SOAT2: variants seen among roughly 807,000 people sequenced by gnomAD.
SOAT2 encodes the protein ACAT-2.
A neutral mutation model predicts 76.0 loss-of-function variants in SOAT2; 87 were observed. That is an observed-to-expected ratio of 1.14 (90% CI 0.96 to 1.37). The LOEUF is 1.37. SOAT2 is among the 40% of genes most tolerant of loss of function. The pLI, the probability that SOAT2 is intolerant of heterozygous loss-of-function variation, is 0.00. For synonymous variants in SOAT2, 285 were observed against 275.4 expected (o/e 1.03, Z -0.34); for missense variants, 686 against 682.1 (o/e 1.01, Z -0.06).
intron 5 of SOAT2, among the ~76,000 whole-genome samples, chr12:53,106,714 A>G (rs1202600687): frequency 6.6e-6 from 1 of 152,246 alleles, no homozygotes; most frequent in Non-Finnish European, 1.5e-5. Context: ...TAAAAATTAC[A>G]ATTTCCAGAG....
At chr12:53,103,764 G>A in intron 1 of SOAT2, 105 bp downstream of exon 1, 2 of 992,168 alleles carry the variant, frequency 2.0e-6, no homozygotes, top group Non-Finnish European at 2.9e-6. Flanking sequence ...AATCCTTCCT[G>A]CTGTCCAGAG....
Position 53,120,796 on chromosome 12 carries a change from G to A in SOAT2, c.1050G>A (p.Met350Ile), listed in dbSNP as rs750810729. The A allele has an allele frequency of 1.9e-6, 3 of 1,613,870 alleles. No homozygotes were observed. Among genetic ancestry groups the A allele is most frequent in the Non-Finnish European group, 2.5e-6 (3 of 1,179,802 alleles). Residue 350 changes from methionine to isoleucine, a missense_variant, in exon 11 of 15, where the codon ATG (methionine) becomes ATA (isoleucine). Coordinates refer to ENST00000301466, the MANE Select transcript of SOAT2 (RefSeq NM_003578.4). Reference protein sequence around the residue: ...ILHATLPGIFMLLLIFFAFLH... With the variant: ...ILHATLPGIFILLLIFFAFLH... ...GTCCCCAACCACCAGGCATCTTCAT[G>A]CTGCTGCTCATCTTCTTTGCCTTCC...
intron 2 of SOAT2, among the ~76,000 whole-genome samples, chr12:53,104,891 AC>A (rs3830631): frequency 0.077 from 11,660 of 151,010 alleles, 521 homozygotes; most frequent in East Asian, 0.15. Context: ...GCGGGGTCCT[AC>A]CCCACCAGCA....
intron 5 of SOAT2, among the ~76,000 whole-genome samples, chr12:53,106,945 C>T (rs78102864): frequency 1.5e-4 from 23 of 152,096 alleles, no homozygotes; most frequent in African/African-American, 5.5e-4. Flanking sequence ...TCTTCAGACC[C>T]CCAGCAAAAC....
chr12:53,105,658 A>G lies in SOAT2; in HGVS notation c.335+38A>G, dbSNP rs191468391. 705 of 1,575,212 alleles carry G rather than the reference A, an allele frequency of 4.5e-4. 3 individuals are homozygous for G. The African/African-American group carries it at 7.7e-3, about 17-fold the overall frequency. On this transcript the variant is annotated intron_variant, in intron 4 of 14. Transcript: ENST00000301466. ...GATGACAAGTAATGGGAGGAAAAGA[A>G]AGGGCTTTGGCTAGGGGTCAAGGTA...
intron 5 of SOAT2, among the ~76,000 whole-genome samples, chr12:53,108,275 C>A (rs761367407): frequency 9.9e-5 from 15 of 152,182 alleles, no homozygotes; most frequent in Non-Finnish European, 2.2e-4. Flanking sequence ...TGGACAGGGA[C>A]TGTGTACACA....
intron 13 of SOAT2, 130 bp downstream of exon 13, chr12:53,123,346 G>T: frequency 1.7e-6 from 2 of 1,196,496 alleles, no homozygotes; most frequent in Middle Eastern, 2.0e-4. Context: ...GAGACTGAGA[G>T]GTGGAGTCAA....
intron 5 of SOAT2, 23 bp from the exon 6 acceptor site, chr12:53,115,367 T>G: frequency 1.9e-6 from 3 of 1,567,894 alleles, no homozygotes; most frequent in Admixed American, 3.6e-5. Flanking sequence ...TTGTCTACTT[T>G]GTCTCTCCTT....
In SOAT2 at chr12:53,118,234, C is replaced by T; in HGVS notation, c.779-116C>T. 3 of 492,108 alleles carry T rather than the reference C, an allele frequency of 6.1e-6. No individual in the cohort carries two copies. In the South Asian group the frequency reaches 6.9e-5, roughly 11 times the overall value. 30.5% of individuals were successfully genotyped at this position (492,108 alleles called of 1,614,324 possible). ...TACGTCCAGCTCCTTGCTTATCCCC[C>T]ACCCCCACCCTATCCATTTCTCCAC... On this transcript the variant is annotated intron_variant, in intron 7 of 14. Coordinates refer to ENST00000301466, the MANE Select transcript of SOAT2 (RefSeq NM_003578.4).
rs202239359 is a variant in SOAT2 at position 53,118,871 on chromosome 12, G to T, written c.864-19G>T. On this transcript the variant is annotated intron_variant, in intron 8 of 14. Transcript: ENST00000301466. Reference sequence around the variant, plus strand: ...AACATGAAAGAATGAGAAACATATTGTCCCCATTGCCGCTGCAGGACGCCC... The same window carrying T: ...AACATGAAAGAATGAGAAACATATTTTCCCCATTGCCGCTGCAGGACGCCC... The T allele has an allele frequency of 3.8e-5, 62 of 1,613,806 alleles. No individual in the cohort carries two copies. The highest frequency in any genetic ancestry group is 2.2e-5 in the East Asian group (1 of 44,846).
chr12:53,106,188 C>A (rs1937931677), intron 5 of SOAT2, among the ~76,000 whole-genome samples, 174 bp downstream of exon 5: 1 of 152,258 alleles, frequency 6.6e-6, no homozygotes, highest in Non-Finnish European at 1.5e-5. Flanking sequence ...AGGATCCCTT[C>A]CTTCCCCAGC....
chr12:53,122,206 CTTT>C (rs55672871), intron 12 of SOAT2, among the ~76,000 whole-genome samples: 12,459 of 110,836 alleles, frequency 0.11, 606 homozygotes, highest in Middle Eastern at 0.2. Context: ...GGTGGGGGCT[CTTT>C]TTTTTTTTTT....
chr12:53,106,830 C>T (rs1032541712), intron 5 of SOAT2, among the ~76,000 whole-genome samples: 2 of 152,214 alleles, frequency 1.3e-5, no homozygotes, highest in Non-Finnish European at 2.9e-5. Flanking sequence ...GTCTTGAAGA[C>T]CTTCTTCTGG....
rs761382966 is a variant in SOAT2 at position 53,123,786 on chromosome 12, G to A, written c.1431G>A (p.Met477Ile). Reference sequence around the variant, plus strand: ...CCGGCCCGGCATGGAACGTGCTGATGTGGACCATGCTGTTTCTAGGCCAGG... The same window carrying A: ...CCGGCCCGGCATGGAACGTGCTGATATGGACCATGCTGTTTCTAGGCCAGG... Reference protein sequence around the residue: ...QRTGPAWNVLMWTMLFLGQGI... With the variant: ...QRTGPAWNVLIWTMLFLGQGI... The change falls in exon 14 of 15, where the codon ATG (methionine) becomes ATA (isoleucine). Residue 477 changes from methionine to isoleucine, a missense_variant. Physicochemically the swap from Met to Ile is conservative, Grantham distance 10. Coordinates refer to ENST00000301466, the MANE Select transcript of SOAT2 (RefSeq NM_003578.4). The A allele has an allele frequency of 5.6e-6, 9 of 1,614,166 alleles. No homozygotes were observed. In the South Asian group the frequency reaches 8.8e-5, roughly 16 times the overall value.
chr12:53,123,567 A>G (rs1475312409), intron 13 of SOAT2, among the ~76,000 whole-genome samples, 161 bp from the exon 14 acceptor site: 1 of 152,168 alleles, frequency 6.6e-6, no homozygotes, highest in Non-Finnish European at 1.5e-5. Context: ...CTGGTTTTAC[A>G]TGGGCCACTT....
At chr12:53,122,540 C>T (rs373719921) in intron 12 of SOAT2, among the ~76,000 whole-genome samples, 4 of 151,530 alleles carry the variant, frequency 2.6e-5, no homozygotes, top group South Asian at 2.1e-4. Flanking sequence ...GACTCTTAAC[C>T]AGCATGCTGC....
intron 5 of SOAT2, 144 bp from the exon 6 acceptor site, chr12:53,115,246 G>A: frequency 1.2e-6 from 1 of 855,410 alleles, no homozygotes; most frequent in Non-Finnish European, 1.8e-6. Context: ...TGCCACAGAG[G>A]TGCCGTCTTG....
At chr12:53,116,221 A>T in intron 7 of SOAT2, 55 bp downstream of exon 7, 1 of 1,482,588 alleles carries the variant, frequency 6.7e-7, no homozygotes. Flanking sequence ...TGACTGAATG[A>T]AGCCAGCAGG....
chr12:53,115,698 T>TG (rs1938095441), intron 6 of SOAT2, 44 bp downstream of exon 6: 3 of 1,465,542 alleles, frequency 2.0e-6, no homozygotes, highest in Non-Finnish European at 2.7e-6. Flanking sequence ...AACCAGCTGG[T>TG]GGGGCCATCT....
Sources: gnomAD v4.1 joint callset for allele counts (sites outside exome capture counted in the v4.1 genomes callset) on GRCh38, gnomAD v4.1.1 for gene constraint, MANE v1.5 for transcripts, NCBI Gene and HGNC (gene_info 2026-07-23, HGNC 2026-07-21) for gene names.